Variants in CPNE4 observed in about 807,000 individuals in gnomAD.
CPNE4 encodes the protein copine 4.
CPNE4 carries 25 observed loss-of-function variants against 67.9 expected under a neutral mutation model. The observed-to-expected ratio is 0.37, with a 90% CI of 0.27 to 0.51. CPNE4 has a LOEUF of 0.51. CPNE4 is among the 20% of genes least tolerant of loss of function. CPNE4 has a pLI of 0.93. For missense variants in CPNE4, 464 were observed against 690.8 expected (o/e 0.67, Z 3.68); for synonymous variants, 242 against 244.9 (o/e 0.99, Z 0.11).
chr3:131,908,186 T>C lies in CPNE4; in HGVS notation c.-1-2742A>G, dbSNP rs552089029. Among the ~76,000 whole-genome samples, 256 of 152,238 alleles carry C rather than the reference T, an allele frequency of 1.7e-3. 2 individuals carry two copies. Among genetic ancestry groups the C allele is most frequent in the Non-Finnish European group, 3.2e-3 (218 of 68,014 alleles). On this transcript the variant is annotated intron_variant, in intron 1 of 15. Coordinates refer to ENST00000429747, the MANE Select transcript of CPNE4 (RefSeq NM_130808.3). ...TTCAACCTCCGTACAGAGTCATACA[T>C]CCCTTCTACTTGTAAATAAATTCTA...
chr3:131,778,235 C>T (rs1478786503), intron 2 of CPNE4, among the ~76,000 whole-genome samples: 1 of 152,100 alleles, frequency 6.6e-6, no homozygotes, highest in East Asian at 1.9e-4. Flanking sequence ...ACTCATACTG[C>T]ATGCACATTC....
intron 2 of CPNE4, among the ~76,000 whole-genome samples, chr3:131,783,871 C>G (rs562655788): frequency 1.3e-5 from 2 of 151,940 alleles, no homozygotes; most frequent in Non-Finnish European, 2.9e-5. Flanking sequence ...GAGCTGAGTC[C>G]AGTGATCTAC....
At chr3:131,660,142 A>G (rs1582976429) in intron 7 of CPNE4, among the ~76,000 whole-genome samples, 1 of 152,220 alleles carries the variant, frequency 6.6e-6, no homozygotes, top group East Asian at 1.9e-4. Flanking sequence ...ATGTAAGATC[A>G]GTTTATATGG....
chr3:131,560,562 G>A (rs139785389), intron 11 of CPNE4, among the ~76,000 whole-genome samples: 3 of 151,858 alleles, frequency 2.0e-5, no homozygotes, highest in African/African-American at 7.3e-5. Context: ...TTCCCATCCC[G>A]ACACAGGGCA....
At chr3:131,947,928 T>C (rs1046191679) in intron 1 of CPNE4, among the ~76,000 whole-genome samples, 3 of 152,198 alleles carry the variant, frequency 2.0e-5, no homozygotes, top group Non-Finnish European at 4.4e-5. Context: ...AAAAAGGTCA[T>C]TGAAATCTTT....
intron 3 of CPNE4, among the ~76,000 whole-genome samples, chr3:131,702,999 G>C (rs532461949): frequency 6.6e-6 from 1 of 152,138 alleles, no homozygotes; most frequent in Non-Finnish European, 1.5e-5. Context: ...ATTTTTCATT[G>C]TAATAATGAT....
chr3:131,984,889 T>C (rs764956636), intron 1 of CPNE4, among the ~76,000 whole-genome samples: 6 of 152,184 alleles, frequency 3.9e-5, no homozygotes, highest in Non-Finnish European at 8.8e-5. Flanking sequence ...CAAATGTGTG[T>C]GGTAATCCAC....
At chr3:131,971,589 C>T (rs928883699) in intron 1 of CPNE4, among the ~76,000 whole-genome samples, 2 of 152,160 alleles carry the variant, frequency 1.3e-5, no homozygotes, top group African/African-American at 2.4e-5. Flanking sequence ...AACTCATTTA[C>T]AAAACTTTAC....
intron 2 of CPNE4, among the ~76,000 whole-genome samples, chr3:131,791,134 A>T (rs2083707439): frequency 6.6e-6 from 1 of 152,208 alleles, no homozygotes; most frequent in South Asian, 2.1e-4. Flanking sequence ...ACAATTACTT[A>T]ATGTATCCAT....
intron 2 of CPNE4, among the ~76,000 whole-genome samples, chr3:131,791,746 G>A (rs2083728722): frequency 6.6e-6 from 1 of 152,134 alleles, no homozygotes; most frequent in Non-Finnish European, 1.5e-5. Context: ...TTTGAAGTCT[G>A]TTACTTAGGT....
intron 2 of CPNE4, among the ~76,000 whole-genome samples, chr3:131,737,997 G>A (rs2107773270): frequency 6.6e-6 from 1 of 152,250 alleles, no homozygotes; most frequent in East Asian, 1.9e-4. Flanking sequence ...GATTTTTTCA[G>A]CACTGGGCCC....
At chr3:131,772,599 A>T (rs1476993944) in intron 2 of CPNE4, among the ~76,000 whole-genome samples, 3 of 152,140 alleles carry the variant, frequency 2.0e-5, no homozygotes, top group Non-Finnish European at 2.9e-5. Flanking sequence ...ATGTGAAGTC[A>T]CCTGTGTTTC....
At chr3:131,605,245 CAG>C (rs1939431830) in intron 7 of CPNE4, among the ~76,000 whole-genome samples, 2 of 152,104 alleles carry the variant, frequency 1.3e-5, no homozygotes, top group Admixed American at 6.5e-5. Flanking sequence ...AAAGCTGAGA[CAG>C]AATGCTATTT....
intron 11 of CPNE4, among the ~76,000 whole-genome samples, chr3:131,559,609 T>A (rs867639494): frequency 6.6e-6 from 1 of 152,004 alleles, no homozygotes; most frequent in East Asian, 1.9e-4. Flanking sequence ...TTTTAGAAAC[T>A]AAAAAGTTTT....
At chr3:132,020,149 T>C (rs1486231020) in intron 1 of CPNE4, among the ~76,000 whole-genome samples, 5 of 152,204 alleles carry the variant, frequency 3.3e-5, no homozygotes, top group African/African-American at 1.2e-4. Flanking sequence ...CAAGAGCTTG[T>C]GAAGGGCTTT....
chr3:131,840,035 T>C (rs1398445343), intron 2 of CPNE4, among the ~76,000 whole-genome samples: 1 of 152,146 alleles, frequency 6.6e-6, no homozygotes, highest in Non-Finnish European at 1.5e-5. Flanking sequence ...TGAATATACA[T>C]ACATACATTC....
intron 2 of CPNE4, among the ~76,000 whole-genome samples, chr3:131,731,813 C>T (rs1376184760): frequency 6.6e-6 from 1 of 152,164 alleles, no homozygotes; most frequent in Non-Finnish European, 1.5e-5. Context: ...TGTGCCAGCT[C>T]TATCTTGCTG....
intron 2 of CPNE4, among the ~76,000 whole-genome samples, chr3:131,894,621 A>C (rs188902854): frequency 6.6e-6 from 1 of 152,008 alleles, no homozygotes; most frequent in Non-Finnish European, 1.5e-5. Context: ...AAAATGTTCA[A>C]TATTACTAAT....
intron 1 of CPNE4, among the ~76,000 whole-genome samples, chr3:131,931,196 A>G (rs1275374981): frequency 6.6e-6 from 1 of 152,136 alleles, no homozygotes; most frequent in Non-Finnish European, 1.5e-5. Flanking sequence ...CTTTTGCAAT[A>G]TTGCTCTTGA....
Sources: gnomAD v4.1 joint callset for allele counts (sites outside exome capture counted in the v4.1 genomes callset) on GRCh38, gnomAD v4.1.1 for gene constraint, MANE v1.5 for transcripts, NCBI Gene and HGNC (gene_info 2026-07-23, HGNC 2026-07-21) for gene names.